Variants in MTUS2 observed in about 807,000 individuals in gnomAD.
The protein encoded by MTUS2 is microtubule-associated tumor suppressor candidate 2.
A neutral mutation model predicts 114.1 loss-of-function variants in MTUS2; 40 were observed. That is an observed-to-expected ratio of 0.35 (90% confidence interval 0.27 to 0.46). The LOEUF (loss-of-function observed/expected upper bound fraction) is 0.46. MTUS2 is among the 20% of genes least tolerant of loss of function. The probability of loss-of-function intolerance (pLI) is 1.00; values close to 1 mark genes in which losing one functional copy is unlikely to be tolerated. For missense variants in MTUS2, 1,679 were observed against 1,705.4 expected (o/e 0.98, Z 0.27); for synonymous variants, 688 against 672.0 (o/e 1.02, Z -0.37).
intron 4 of MTUS2, among the ~76,000 whole-genome samples, chr13:29,061,394 A>G (rs917175206): frequency 3.9e-5 from 6 of 152,132 alleles, no homozygotes; most frequent in African/African-American, 1.2e-4. Flanking sequence ...AGTTCTGGGA[A>G]TTGTTTATCT....
chr13:28,980,612 A>G (rs992393068), intron 2 of MTUS2, among the ~76,000 whole-genome samples: 2 of 152,220 alleles, frequency 1.3e-5, no homozygotes, highest in African/African-American at 2.4e-5. Context: ...GGGGATGGCT[A>G]CTTGGATTGT....
rs765842572 is a variant in MTUS2, at chr13:29,026,226, A to C, written c.1528A>C (p.Arg510=). The C allele has an allele frequency of 8.1e-6, 13 of 1,613,900 alleles. No individual in the cohort carries two copies. The Admixed American group carries it at 1.5e-4, about 19-fold the overall frequency. Residue 510 remains arginine, a synonymous_variant, in exon 3 of 16, where the codon AGG becomes CGG. Transcript: ENST00000612955. ...GGTCACCACATCTGTTGCTGAAAAC[A>C]GGAACCTTCTAGAGAATGCAGATAA... ...KEVTTSVAEN[R]NLLENADKIE...
At chr13:29,156,921 A>G (rs572401393) in intron 5 of MTUS2, among the ~76,000 whole-genome samples, 31 of 152,238 alleles carry the variant, frequency 2.0e-4, no homozygotes, top group Non-Finnish European at 4.3e-4. Context: ...AACTTTTACC[A>G]TGGAGAAGAT....
chr13:29,011,140 C>T (rs978509872), intron 2 of MTUS2, among the ~76,000 whole-genome samples: 1 of 152,148 alleles, frequency 6.6e-6, no homozygotes, highest in Non-Finnish European at 1.5e-5. Flanking sequence ...TATGGAATTT[C>T]TTTGAGCGTC....
At chr13:28,872,160 C>T (rs1383865277) in intron 2 of MTUS2, among the ~76,000 whole-genome samples, 1 of 152,054 alleles carries the variant, frequency 6.6e-6, no homozygotes, top group Admixed American at 6.6e-5. Flanking sequence ...GAGAAGGAGT[C>T]TGGGTAAGAG....
intron 7 of MTUS2, among the ~76,000 whole-genome samples, chr13:29,336,781 G>T (rs1164846734): frequency 6.6e-6 from 1 of 152,206 alleles, no homozygotes; most frequent in Admixed American, 6.5e-5. Context: ...TCAAGGAGAT[G>T]GGAATTCTAT....
At chr13:29,457,124 G>GAC (rs1879171014) in intron 9 of MTUS2, among the ~76,000 whole-genome samples, 1 of 147,914 alleles carries the variant, frequency 6.8e-6, no homozygotes, top group African/African-American at 2.5e-5. Context: ...CAGCCTGGGC[G>GAC]ACAGCGAGAC....
At chr13:29,441,941 C>T (rs1338248678) in intron 9 of MTUS2, among the ~76,000 whole-genome samples, 1 of 152,182 alleles carries the variant, frequency 6.6e-6, no homozygotes, top group Non-Finnish European at 1.5e-5. Flanking sequence ...CAAAGACCCC[C>T]TTCTCCACTC....
Position 29,431,099 on chromosome 13 carries a change from T to C in MTUS2, c.3118-8884T>C, listed in dbSNP as rs2138640401. Among the ~76,000 whole-genome samples the C allele has an allele frequency of 2.0e-5, 3 of 152,312 alleles. No individual in the cohort carries two copies. In the Middle Eastern group the frequency reaches 0.01, roughly 518 times the overall value. ...GCAGCTAAAGCTGTTCTGAAAAACATGGTGGGACAATTAAAGATACTTTTA... is the reference window on the plus strand; with the variant it reads ...GCAGCTAAAGCTGTTCTGAAAAACACGGTGGGACAATTAAAGATACTTTTA... On this transcript the variant is annotated intron_variant, in intron 8 of 15. Transcript: ENST00000612955.
intron 8 of MTUS2, among the ~76,000 whole-genome samples, chr13:29,431,268 T>C (rs754817575): frequency 3.9e-5 from 6 of 152,306 alleles, no homozygotes; most frequent in Middle Eastern, 3.4e-3. Flanking sequence ...GTGAACAAAT[T>C]GTTTAAAAGT....
intron 5 of MTUS2, among the ~76,000 whole-genome samples, chr13:29,257,228 CT>C (rs1314154075): frequency 6.6e-6 from 1 of 152,192 alleles, no homozygotes; most frequent in East Asian, 1.9e-4. Context: ...CATGTCAGTC[CT>C]TTATTGAAAA....
In MTUS2 at chr13:29,017,703, G is replaced by GAA. The variant is rs11369162; in HGVS notation, c.-242-6742_-242-6741dup. Among the ~76,000 whole-genome samples, 244 of 145,112 alleles carry GAA rather than the reference G, an allele frequency of 1.7e-3. 3 individuals are homozygous for GAA. Among genetic ancestry groups the GAA allele is most frequent in the East Asian group, 5.9e-3 (29 of 4,916 alleles). ...TTTACAATTTTCATCTTGAAAGATTGAAAAAAAAAAAAACTCACATTGTAG... is the reference window on the plus strand; with the variant it reads ...TTTACAATTTTCATCTTGAAAGATTGAAAAAAAAAAAAAAACTCACATTGTAG... On this transcript the variant is annotated intron_variant, in intron 2 of 15. Transcript: ENST00000612955.
intron 5 of MTUS2, among the ~76,000 whole-genome samples, chr13:29,163,305 G>C (rs1174733644): frequency 6.6e-6 from 1 of 152,158 alleles, no homozygotes; most frequent in Non-Finnish European, 1.5e-5. Flanking sequence ...CCTTGTGGCT[G>C]GGCTCCCGTC....
At chr13:29,414,498 G>A (rs1875518291) in intron 8 of MTUS2, among the ~76,000 whole-genome samples, 3 of 146,298 alleles carry the variant, frequency 2.1e-5, no homozygotes. Flanking sequence ...GAAGACTGTA[G>A]TGAAAATATT....
intron 2 of MTUS2, among the ~76,000 whole-genome samples, chr13:28,908,439 G>C (rs1328254475): frequency 6.6e-6 from 1 of 151,396 alleles, no homozygotes; most frequent in African/African-American, 2.4e-5. Flanking sequence ...ATGGTTTCCA[G>C]CTTCATCCAT....
chr13:29,032,193 C>T (rs1246717875), intron 3 of MTUS2, among the ~76,000 whole-genome samples: 1 of 152,066 alleles, frequency 6.6e-6, no homozygotes, highest in African/African-American at 2.4e-5. Context: ...GCAGTTTTCC[C>T]CCTTTTAAAG....
chr13:28,884,271 A>G (rs992016853), intron 2 of MTUS2, among the ~76,000 whole-genome samples: 3 of 152,228 alleles, frequency 2.0e-5, no homozygotes, highest in Admixed American at 6.5e-5. Context: ...ACGAACCTTG[A>G]GGACATGATG....
At chr13:29,424,588 A>C (rs188397770) in intron 8 of MTUS2, among the ~76,000 whole-genome samples, 25 of 152,322 alleles carry the variant, frequency 1.6e-4, no homozygotes, top group Non-Finnish European at 2.9e-4. Flanking sequence ...GCTCACTAAA[A>C]TTGGAACACC....
chr13:29,465,291 T>C (rs1473758791), intron 9 of MTUS2, among the ~76,000 whole-genome samples: 1 of 152,190 alleles, frequency 6.6e-6, no homozygotes, highest in African/African-American at 2.4e-5. Context: ...GAAGTCCTGG[T>C]GCAATCCTCA....
Sources: allele counts gnomAD v4.1 joint callset (sites outside exome capture counted in the v4.1 genomes callset), GRCh38; gene constraint gnomAD v4.1.1; transcripts MANE v1.5; gene names NCBI Gene and HGNC (gene_info 2026-07-23, HGNC 2026-07-21).